Variants in PCDH10 observed in about 807,000 individuals in gnomAD.
The protein encoded by PCDH10 is protocadherin 10.
PCDH10 carries 15 observed loss-of-function variants against 74.4 expected under a neutral mutation model. The ratio of observed to expected loss-of-function variants is 0.20; its 90% CI spans 0.13 to 0.31. The LOEUF (loss-of-function observed/expected upper bound fraction) is 0.31, where lower values mean the gene tolerates loss of function less well. Among genes scored for constraint, PCDH10 ranks in the 10% least tolerant of loss-of-function variants. The probability of loss-of-function intolerance (pLI) is 1.00; values close to 1 mark genes in which losing one functional copy is unlikely to be tolerated. For missense variants in PCDH10, 1,260 were observed against 1,390.2 expected (o/e 0.91, Z 1.49); for synonymous variants, 619 against 589.8 (o/e 1.05, Z -0.72).
chr4:133,172,996 A>G (rs1288848777), intron 4 of PCDH10, among the ~76,000 whole-genome samples: 1 of 151,924 alleles, frequency 6.6e-6, no homozygotes, highest in Admixed American at 6.6e-5. Context: ...TTTCTTATTG[A>G]TTGAAACTTA....
rs976014775 is a variant in PCDH10, at chr4:133,150,422, C to T, written c.282C>T (p.His94=). Residue 94 remains histidine (H), a synonymous_variant, in exon 1 of 5, where the codon CAC becomes CAT. Transcript: ENST00000264360. ...AACAGAGCCCCTCCTGTGTCCTGCA[C>T]CTGGAGGTCTTTCTGGAGAACCCCC... The part of the protein sequence containing the change: ...ICKQSPSCVL[H]LEVFLENPLE... 1.1e-5 allele frequency: 17 copies of T among 1,613,908 alleles called. No individual in the cohort carries two copies. Among genetic ancestry groups the T allele is most frequent in the Non-Finnish European group, 6.8e-6 (8 of 1,180,000 alleles).
chr4:133,189,086 T>C (rs1033834373), intron 4 of PCDH10, among the ~76,000 whole-genome samples: 1 of 152,052 alleles, frequency 6.6e-6, no homozygotes, highest in Non-Finnish European at 1.5e-5. Flanking sequence ...AATAGATAAT[T>C]AGATAGTCTT....
intron 4 of PCDH10, among the ~76,000 whole-genome samples, chr4:133,186,689 A>T (rs1727546955): frequency 1.3e-5 from 2 of 152,170 alleles, no homozygotes; most frequent in Middle Eastern, 3.4e-3. Flanking sequence ...CTTGTCCAAC[A>T]TTAGGCCATA....
chr4:133,154,415 A>G (rs1169503555), intron 2 of PCDH10, 50 bp downstream of exon 2: 2 of 1,033,436 alleles, frequency 1.9e-6, no homozygotes, highest in Middle Eastern at 2.1e-4. Context: ...ACAACCTAGT[A>G]AAAGTAGGAA....
Position 133,151,228 on chromosome 4 carries a change from T to C in PCDH10, c.1088T>C (p.Val363Ala), listed in dbSNP as rs997661414. The C allele has an allele frequency of 6.2e-7, 1 of 1,613,840 alleles. No individual in the cohort carries two copies. ...DNAPEISFST[V>A]KEAVSEGAAP... ...GCGCCAGAGATCAGCTTCAGCACCG[T>C]GAAGGAAGCGGTGAGTGAGGGCGCG... Residue 363 changes from valine to alanine, a missense_variant, in exon 1 of 5, where the codon GTG (valine) becomes GCG (alanine). Transcript: ENST00000264360.
chr4:133,164,262 CTTAAGTTTAA>C (rs1414243241), intron 4 of PCDH10, among the ~76,000 whole-genome samples: 3 of 151,938 alleles, frequency 2.0e-5, no homozygotes, highest in Non-Finnish European at 4.4e-5. Context: ...ATGCTAATGT[CTTAAGTTTAA>C]CTCACAAATC....
intron 4 of PCDH10, among the ~76,000 whole-genome samples, chr4:133,184,538 G>T (rs906449160): frequency 4.6e-5 from 7 of 151,264 alleles, no homozygotes; most frequent in Middle Eastern, 3.2e-3. Flanking sequence ...CAGAAGAATC[G>T]CCTGAACCCG....
At position 133,152,526 on chromosome 4, in the gene PCDH10, C is replaced by T. The variant is rs1726747302; in HGVS notation, c.2386C>T (p.Pro796Ser). ...CATGCTGGTGCAGAGCTCCAATGTA[C>T]CCAGTAACCCGGCCCAGGTGCCGAT... ...DIMLVQSSNV[P>S]SNPAQVPIEE... Residue 796 changes from proline to serine, a missense_variant, in exon 1 of 5, where the codon CCC becomes TCC. Transcript: ENST00000264360. The T allele has an allele frequency of 6.2e-7, 1 of 1,614,146 alleles. No individual in the cohort carries two copies.
At chr4:133,153,065 C>T (rs1481158336) in intron 1 of PCDH10, 23 of 1,368,338 alleles carry the variant, frequency 1.7e-5, no homozygotes, top group Admixed American at 3.5e-5. Context: ...TCTCAGTAAC[C>T]TGGGCATGAA....
chr4:133,160,478 A>G (rs1560706995), intron 3 of PCDH10, among the ~76,000 whole-genome samples: 2 of 151,176 alleles, frequency 1.3e-5, no homozygotes, highest in South Asian at 2.1e-4. Context: ...GAACTTTACT[A>G]CATAATCTAA....
chr4:133,150,931 C>T lies in PCDH10; in HGVS notation c.791C>T (p.Pro264Leu), dbSNP rs147313392. The change falls in exon 1 of 5, where the codon CCC becomes CTC. Residue 264 changes from proline to leucine, a missense_variant. By Grantham distance (98) the Pro-to-Leu change is moderately conservative. Coordinates refer to ENST00000264360, the MANE Select transcript of PCDH10 (RefSeq NM_032961.3). Reference protein sequence around the residue: ...VYTVSLPENSPPGTLVIQLNA... With the variant: ...VYTVSLPENSLPGTLVIQLNA... Reference sequence around the variant, plus strand: ...ACTGTGTCCCTACCAGAGAACTCTCCCCCAGGCACTCTCGTGATCCAGCTC... The same window carrying T: ...ACTGTGTCCCTACCAGAGAACTCTCTCCCAGGCACTCTCGTGATCCAGCTC... 1.9e-6 allele frequency: 3 copies of T among 1,613,934 alleles called. No individual in the cohort carries two copies. Among genetic ancestry groups the T allele is most frequent in the African/African-American group, 1.3e-5 (1 of 75,056 alleles).
At chr4:133,204,976 C>A (rs546637053) in intron 2 of PCDH10, among the ~76,000 whole-genome samples, 1 of 152,188 alleles carries the variant, frequency 6.6e-6, no homozygotes, top group Non-Finnish European at 1.5e-5. Flanking sequence ...TCAAGAAGTG[C>A]ACCCTGGTTC....
chr4:133,185,802 T>C (rs777517996), intron 4 of PCDH10, among the ~76,000 whole-genome samples: 19 of 152,164 alleles, frequency 1.2e-4, no homozygotes, highest in Non-Finnish European at 2.2e-4. Context: ...TGTATTGCTT[T>C]AGTTTCTGCG....
At chr4:133,165,753 AT>A (rs1727066335) in intron 4 of PCDH10, among the ~76,000 whole-genome samples, 1 of 151,788 alleles carries the variant, frequency 6.6e-6, no homozygotes, top group Non-Finnish European at 1.5e-5. Context: ...TGTCACTGTC[AT>A]TTATACAATA....
At chr4:133,164,855 T>G (rs2125863959) in intron 4 of PCDH10, among the ~76,000 whole-genome samples, 1 of 150,850 alleles carries the variant, frequency 6.6e-6, no homozygotes, top group African/African-American at 2.4e-5. Flanking sequence ...ATTATGAAAT[T>G]TATTAACAGT....
At position 133,152,467 on chromosome 4, in the gene PCDH10, G is replaced by A. The variant is rs987665826; in HGVS notation, c.2327G>A (p.Arg776Gln). 2 of 1,614,112 alleles carry A rather than the reference G, an allele frequency of 1.2e-6. No individual in the cohort carries two copies. The highest frequency in any genetic ancestry group is 8.5e-7 in the Non-Finnish European group (1 of 1,180,010). ...TCGACCTGCTGTGGCCGCCAAGCCC[G>A]GGCGCGCAAGAAGAAACTCAGCAAG... is the stretch of plus-strand genomic sequence containing the variant. Reference protein sequence around the residue: ...GGSTCCGRQARARKKKLSKSD... With the variant: ...GGSTCCGRQAQARKKKLSKSD... Residue 776 changes from arginine to glutamine, a missense_variant, in exon 1 of 5, where the codon CGG (arginine) becomes CAG (glutamine). Arg to Gln is a conservative substitution (Grantham distance 43, BLOSUM62 1). Transcript: ENST00000264360.
At chr4:133,186,369 A>G (rs1727541669) in intron 4 of PCDH10, among the ~76,000 whole-genome samples, 1 of 152,152 alleles carries the variant, frequency 6.6e-6, no homozygotes, top group Non-Finnish European at 1.5e-5. Context: ...TTGATTGAAA[A>G]TAAAACCTCC....
chr4:133,158,578 T>G (rs1726909155), intron 3 of PCDH10, among the ~76,000 whole-genome samples: 1 of 152,120 alleles, frequency 6.6e-6, no homozygotes, highest in South Asian at 2.1e-4. Flanking sequence ...GCTATGAATT[T>G]TAAAAATAAA....
At chr4:133,172,507 G>A (rs1453579740) in intron 4 of PCDH10, among the ~76,000 whole-genome samples, 1 of 151,750 alleles carries the variant, frequency 6.6e-6, no homozygotes, top group Non-Finnish European at 1.5e-5. Flanking sequence ...TACAAAATGA[G>A]TACACCTGTA....
Sources: gnomAD v4.1 joint callset for allele counts (sites outside exome capture counted in the v4.1 genomes callset) on GRCh38, gnomAD v4.1.1 for gene constraint, MANE v1.5 for transcripts, NCBI Gene and HGNC (gene_info 2026-07-23, HGNC 2026-07-21) for gene names.